ZAP70: variants seen among roughly 807,000 people sequenced by gnomAD.
The protein encoded by ZAP70 is tyrosine-protein kinase ZAP-70.
In ZAP70, 27 loss-of-function variants were observed where a neutral mutation model predicts 65.8. The ratio of observed to expected loss-of-function variants is 0.41; its 90% CI spans 0.30 to 0.57. ZAP70 has a LOEUF of 0.57. Among genes scored for constraint, ZAP70 ranks in the 20% least tolerant of loss-of-function variants. ZAP70 has a pLI of 0.28. For missense variants in ZAP70, 696 were observed against 870.5 expected, an observed-to-expected ratio of 0.80 and a Z score of 2.52; for synonymous variants, 363 against 360.8, an observed-to-expected ratio of 1.01 and a Z score of -0.07.
At chr2:97,753,783 G>A in the ZAP70 span, among the ~76,000 whole-genome samples, 1 of 151,972 alleles carries the variant, frequency 6.6e-6, no homozygotes, top group Admixed American at 6.6e-5. Flanking sequence ...ACCAGAGGGG[G>A]CAACGAAGCA....
chr2:97,725,851 T>C (rs1222934113), intron 4 of ZAP70, among the ~76,000 whole-genome samples: 1 of 152,136 alleles, frequency 6.6e-6, no homozygotes, highest in East Asian at 1.9e-4. Flanking sequence ...GAAAATGCAA[T>C]GGCAAGTGCA....
intron 2 of ZAP70, among the ~76,000 whole-genome samples, chr2:97,716,839 G>A (rs1023442484): frequency 6.6e-6 from 1 of 152,118 alleles, no homozygotes; most frequent in East Asian, 1.9e-4. Context: ...ATGGCATGAC[G>A]GGGGCCAGCA....
Position 97,733,584 on chromosome 2 carries a change from C to G in ZAP70, c.878C>G (p.Thr293Ser), listed in dbSNP as rs909677452. 14 of 1,613,654 alleles carry G rather than the reference C, an allele frequency of 8.7e-6. No homozygotes were observed. The highest frequency in any genetic ancestry group is 1.2e-5 in the Non-Finnish European group (14 of 1,179,998). ...RIDTLNSDGYTPEPARITSPD... is the reference protein window; with the variant it reads ...RIDTLNSDGYSPEPARITSPD... ...GACACCCTCAACTCAGATGGATACA[C>G]CCCTGAGCCAGGTGAGCGGGCAGAG... The change falls in exon 8 of 14, where the codon ACC (threonine) becomes AGC (serine). Residue 293 changes from threonine (T) to serine (S), a missense_variant. Physicochemically the swap from Thr to Ser is moderately conservative, Grantham distance 58. Around this residue, in one of 3 missense-constraint regions of ZAP70, gnomAD observed 551 missense variants for 630.0 expected, o/e 0.87. Transcript: ENST00000264972.
chr2:97,730,120 G>A (rs1677542807), intron 4 of ZAP70, among the ~76,000 whole-genome samples: 1 of 152,168 alleles, frequency 6.6e-6, no homozygotes, highest in African/African-American at 2.4e-5. Context: ...CCAGCTACTT[G>A]GGAGGCTGAG....
rs199624004 is a variant in ZAP70 at position 97,733,075 on chromosome 2, G to A, written c.703-50G>A. 1.7e-5 allele frequency: 27 copies of A among 1,613,798 alleles called. No homozygotes were observed. In the East Asian group the frequency reaches 3.3e-4, roughly 20 times the overall value. On this transcript the variant is annotated intron_variant, in intron 5 of 13. Coordinates refer to ENST00000264972, the MANE Select transcript of ZAP70 (RefSeq NM_001079.4). ...AGATGCCGTGCTCAGATGGGGTGCC[G>A]GGCTCTGGGGAGGAGAGGAGCCTCT...
At chr2:97,755,593 CTT>C in the ZAP70 span, among the ~76,000 whole-genome samples, 2 of 152,332 alleles carry the variant, frequency 1.3e-5, no homozygotes, top group South Asian at 4.1e-4. Flanking sequence ...GGCATCCCCC[CTT>C]GTCTCCAAGC....
At chr2:97,752,411 A>G in the ZAP70 span, among the ~76,000 whole-genome samples, 1 of 152,180 alleles carries the variant, frequency 6.6e-6, no homozygotes. Flanking sequence ...ACCTTTTTTC[A>G]TGACATCAGC....
intron 2 of ZAP70, among the ~76,000 whole-genome samples, chr2:97,721,959 A>G (rs1573257909): frequency 6.7e-6 from 1 of 150,104 alleles, no homozygotes. Context: ...AATTTTTTGT[A>G]TTTTTAGTAG....
rs1677823330 is a variant in ZAP70, at chr2:97,735,313, G to C, written c.1146G>C (p.Glu382Asp). Residue 382 changes from glutamate to aspartate, a missense_variant, in exon 10 of 14, where the codon GAG (glutamate) becomes GAC (aspartate). Physicochemically the swap from Glu to Asp is conservative, Grantham distance 45. Transcript: ENST00000264972. ...GCACGGAGAAGGCAGACACGGAAGA[G>C]ATGATGCGCGAGGCGCAGATCATGC... ...KQGTEKADTE[E>D]MMREAQIMHQ... 1 of 1,614,038 alleles carries C rather than the reference G, an allele frequency of 6.2e-7. No homozygotes were observed. The highest frequency in any genetic ancestry group is 1.1e-5 in the South Asian group (1 of 91,096).
chr2:97,749,358 GCTGT>G, the ZAP70 span, among the ~76,000 whole-genome samples: 3 of 152,142 alleles, frequency 2.0e-5, no homozygotes, highest in Admixed American at 6.5e-5. Flanking sequence ...CGCATAGTGC[GCTGT>G]CTGTGTGGGA....
rs1244223961 is a variant in ZAP70, at chr2:97,736,786, G to T, written c.1290-687G>T. 6.6e-6 allele frequency among the ~76,000 whole-genome samples: 1 copy of T among 152,178 alleles called. No homozygotes were observed. Among genetic ancestry groups the T allele is most frequent in the East Asian group, 1.9e-4 (1 of 5,190 alleles). On this transcript the variant is annotated intron_variant, in intron 10 of 13. Coordinates refer to ENST00000264972, the MANE Select transcript of ZAP70 (RefSeq NM_001079.4). This position sits in a 1 kb window ranked among gnomAD's most constrained non-coding sequence, Gnocchi z 4.0. The stretch of plus-strand genomic sequence containing the variant: ...GCCTCGTGTGGTGCGGGCAGGGAGG[G>T]GATGAGCAGACCGTGCCAGGCCTTG...
At chr2:97,734,405 G>A in intron 8 of ZAP70, 115 bp from the exon 9 acceptor site, 1 of 1,456,036 alleles carries the variant, frequency 6.9e-7, no homozygotes. Flanking sequence ...CCACCTGCTT[G>A]TGCATGCTCC....
intron 8 of ZAP70, chr2:97,733,870 C>T (rs566631715): frequency 1.2e-5 from 7 of 564,810 alleles, no homozygotes; most frequent in East Asian, 3.0e-5. Context: ...GTGTCAGTCA[C>T]GTTCCGAGGT....
the ZAP70 span, among the ~76,000 whole-genome samples, chr2:97,745,695 T>C: frequency 6.6e-6 from 1 of 152,206 alleles, no homozygotes; most frequent in Non-Finnish European, 1.5e-5. Flanking sequence ...ATTGGAACCC[T>C]CACACACTGT....
the ZAP70 span, among the ~76,000 whole-genome samples, chr2:97,749,251 C>A: frequency 6.6e-6 from 1 of 152,130 alleles, no homozygotes; most frequent in Non-Finnish European, 1.5e-5. Flanking sequence ...CCTCGGGATC[C>A]GCCTGCCTCG....
chr2:97,722,129 G>A (rs1573258239), intron 2 of ZAP70, among the ~76,000 whole-genome samples: 1 of 152,020 alleles, frequency 6.6e-6, no homozygotes, highest in South Asian at 2.1e-4. Flanking sequence ...TGCCCAGGCT[G>A]GAGTGCAGTG....
At chr2:97,717,402 C>T (rs192854420) in intron 2 of ZAP70, among the ~76,000 whole-genome samples, 14 of 130,724 alleles carry the variant, frequency 1.1e-4, no homozygotes, top group African/African-American at 3.3e-4. Flanking sequence ...GGGGGACATG[C>T]GGAGCCTCTG....
intron 13 of ZAP70, chr2:97,738,546 C>T (rs1678006725): frequency 8.0e-6 from 2 of 249,286 alleles, no homozygotes; most frequent in Non-Finnish European, 8.0e-6. Context: ...TCTATTCCAG[C>T]CCCCACCTCT....
At position 97,724,449 on chromosome 2, in the gene ZAP70, A is replaced by G; in HGVS notation, c.402+11A>G. The G allele has an allele frequency of 2.6e-6, 4 of 1,529,166 alleles. No individual in the cohort carries two copies. The highest frequency in any genetic ancestry group is 3.5e-6 in the Non-Finnish European group (4 of 1,140,012). 94.7% of individuals were successfully genotyped at this position (1,529,166 alleles called of 1,614,324 possible). A position where few individuals can be genotyped will look rare whatever the true frequency, so the allele number is the denominator to read the frequency against. ...ACGTGGAAGCTGGAGGTGAGAGCGCAGCCTGGGGCGCGGGGTCTGGAGGGG... is the reference window on the plus strand; with the variant it reads ...ACGTGGAAGCTGGAGGTGAGAGCGCGGCCTGGGGCGCGGGGTCTGGAGGGG... On this transcript the variant is annotated intron_variant, in intron 3 of 13. Transcript: ENST00000264972.
Sources: allele counts gnomAD v4.1 joint callset (sites outside exome capture counted in the v4.1 genomes callset), GRCh38; gene constraint gnomAD v4.1.1; regional missense constraint gnomAD v4.1.1; non-coding constraint Gnocchi (gnomAD v3.1); transcripts MANE v1.5; gene names NCBI Gene and HGNC (gene_info 2026-07-23, HGNC 2026-07-21).